TANC2: variants seen among roughly 807,000 people sequenced by gnomAD.
TANC2 encodes the protein tetratricopeptide repeat, ankyrin repeat and coiled-coil containing 2, also known as protein TANC2.
A neutral mutation model predicts 210.5 loss-of-function variants in TANC2; 26 were observed. The observed-to-expected ratio is 0.12, with a 90% CI of 0.09 to 0.17. The LOEUF (loss-of-function observed/expected upper bound fraction) is 0.17, where lower values mean the gene tolerates loss of function less well. TANC2 is among the 10% of genes least tolerant of loss of function. The probability of loss-of-function intolerance (pLI) is 1.00; values close to 1 mark genes in which losing one functional copy is unlikely to be tolerated. For missense variants in TANC2, 2,129 were observed against 2,608.9 expected (o/e 0.82, Z 4.01); for synonymous variants, 931 against 967.1 (o/e 0.96, Z 0.69).
intron 2 of TANC2, among the ~76,000 whole-genome samples, chr17:63,018,210 G>A (rs1355217778): frequency 6.6e-6 from 1 of 152,094 alleles, no homozygotes; most frequent in East Asian, 1.9e-4. Context: ...GTAAGGAATA[G>A]CCAGGCGCCG....
intron 2 of TANC2, among the ~76,000 whole-genome samples, chr17:63,062,788 A>G (rs187159087): frequency 6.2e-4 from 94 of 152,296 alleles, no homozygotes; most frequent in African/African-American, 2.1e-3. Flanking sequence ...ATCCAACAGT[A>G]TTCTTCTACT....
At chr17:63,414,744 A>G (rs1409763171) in intron 25 of TANC2, among the ~76,000 whole-genome samples, 2 of 152,222 alleles carry the variant, frequency 1.3e-5, no homozygotes, top group Non-Finnish European at 2.9e-5. Context: ...GAGAAGGAAT[A>G]GAGTGGATAA....
Position 63,371,114 on chromosome 17 carries a change from T to A in TANC2, c.2583-8604T>A, listed in dbSNP as rs1391181411. Among the ~76,000 whole-genome samples, 5 of 152,302 alleles carry A rather than the reference T, an allele frequency of 3.3e-5. No individual in the cohort carries two copies. In the East Asian group the frequency reaches 9.6e-4, roughly 29 times the overall value. Reference sequence around the variant, plus strand: ...AGATAGGCTTTAGATTATAAGAATTTTCTTGCCAGCTAGCTGTAACTATAC... The same window carrying A: ...AGATAGGCTTTAGATTATAAGAATTATCTTGCCAGCTAGCTGTAACTATAC... On this transcript the variant is annotated intron_variant, in intron 14 of 27. Coordinates refer to ENST00000689528, the Ensembl canonical transcript of TANC2.
chr17:63,044,889 A>T (rs575139016), intron 2 of TANC2, among the ~76,000 whole-genome samples: 6 of 151,982 alleles, frequency 3.9e-5, no homozygotes, highest in Non-Finnish European at 8.8e-5. Context: ...TAACCTCTTT[A>T]TATCCTTTAT....
intron 25 of TANC2, among the ~76,000 whole-genome samples, 186 bp from the exon 26 acceptor site, chr17:63,415,342 A>C (rs907497789): frequency 2.0e-5 from 3 of 152,162 alleles, no homozygotes; most frequent in Non-Finnish European, 2.9e-5. Context: ...CTGCCAGGTG[A>C]GTTTCCTATA....
intron 7 of TANC2, among the ~76,000 whole-genome samples, chr17:63,210,645 CAT>C (rs1434138544): frequency 1.3e-5 from 2 of 152,110 alleles, no homozygotes; most frequent in African/African-American, 2.4e-5. Flanking sequence ...GAGTAAATAA[CAT>C]AGAGCAACAC....
At chr17:63,331,856 C>CTGTGTGTGTGTGTG (rs765243268) in intron 11 of TANC2, 1 of 152,262 alleles carries the variant, frequency 6.6e-6, no homozygotes, top group Non-Finnish European at 1.4e-5. Flanking sequence ...GTGTGTGTGT[C>CTGTGTGTGTGTGTG]TGTGTGTGTG....
In TANC2 at chr17:63,191,987, G is replaced by A. The variant is rs187744967; in HGVS notation, c.434-2004G>A. Reference sequence around the variant, plus strand: ...TCTAAGACTTAAGATGGAGGGATTCGCAATTAGGTCCCTGTCTGTTATTTG... The same window carrying A: ...TCTAAGACTTAAGATGGAGGGATTCACAATTAGGTCCCTGTCTGTTATTTG... On this transcript the variant is annotated intron_variant, in intron 5 of 27. Coordinates refer to ENST00000689528, the Ensembl canonical transcript of TANC2. Among the ~76,000 whole-genome samples, 933 of 152,138 alleles carry A rather than the reference G, an allele frequency of 6.1e-3. 19 individuals are homozygous for A. The highest frequency in any genetic ancestry group is 0.056 in the Admixed American group (854 of 15,266).
intron 2 of TANC2, among the ~76,000 whole-genome samples, chr17:63,053,788 T>G (rs1339767249): frequency 6.6e-6 from 1 of 152,196 alleles, no homozygotes; most frequent in South Asian, 2.1e-4. Context: ...TGCAAGTCCA[T>G]TTTTTAGGCC....
intron 7 of TANC2, among the ~76,000 whole-genome samples, chr17:63,218,732 C>T (rs1165546031): frequency 6.6e-6 from 1 of 151,944 alleles, no homozygotes; most frequent in African/African-American, 2.4e-5. Context: ...CTCCTTTCTA[C>T]TAAAAATGCA....
At chr17:63,409,281 C>G (rs1176308316) in intron 21 of TANC2, among the ~76,000 whole-genome samples, 1 of 152,078 alleles carries the variant, frequency 6.6e-6, no homozygotes, top group African/African-American at 2.4e-5. Flanking sequence ...AAGCGATCCT[C>G]CCATCTCATC....
intron 17 of TANC2, chr17:63,391,573 T>C (rs188156765): frequency 3.3e-5 from 5 of 152,210 alleles, no homozygotes; most frequent in African/African-American, 9.6e-5. Flanking sequence ...GCCTAATAAA[T>C]AGTATCTGTA....
intron 4 of TANC2, among the ~76,000 whole-genome samples, chr17:63,112,282 C>T (rs1382033792): frequency 6.6e-6 from 1 of 152,086 alleles, no homozygotes; most frequent in African/African-American, 2.4e-5. Context: ...CATAAGCAGA[C>T]CCTAAAGATT....
intron 7 of TANC2, among the ~76,000 whole-genome samples, chr17:63,224,762 T>C (rs1444480757): frequency 2.0e-5 from 3 of 152,186 alleles, no homozygotes; most frequent in South Asian, 2.1e-4. Context: ...GAAAGGAGTG[T>C]CCATTAGGCC....
chr17:63,423,396 G>A (rs544431810), exon 28 of TANC2: 11 of 152,348 alleles, frequency 7.2e-5, no homozygotes, highest in African/African-American at 2.2e-4. Context: ...CTATTGAGTG[G>A]ATAGCAAGAA....
chr17:63,108,415 A>T (rs1422209387), intron 4 of TANC2, among the ~76,000 whole-genome samples: 2 of 151,870 alleles, frequency 1.3e-5, no homozygotes, highest in African/African-American at 4.9e-5. Flanking sequence ...AATATGTGTC[A>T]AGTTTTTAAA....
In TANC2 at chr17:63,364,866, A is replaced by G. The variant is rs569760568; in HGVS notation, c.2582+9476A>G. Among the ~76,000 whole-genome samples the G allele has an allele frequency of 2.0e-5, 3 of 152,332 alleles. No homozygotes were observed. In the East Asian group the frequency reaches 5.8e-4, roughly 29 times the overall value. ...ACATCTATATTGTTTGTAAAAGGTAATAACTGCTTTATGTGTTTAAAAATA... is the reference window on the plus strand; with the variant it reads ...ACATCTATATTGTTTGTAAAAGGTAGTAACTGCTTTATGTGTTTAAAAATA... On this transcript the variant is annotated intron_variant, in intron 14 of 27. Transcript: ENST00000689528.
At position 63,376,544 on chromosome 17, in the gene TANC2, C is replaced by T. The variant is rs74721610; in HGVS notation, c.2583-3174C>T. On this transcript the variant is annotated intron_variant, in intron 14 of 27. Coordinates refer to ENST00000689528, the Ensembl canonical transcript of TANC2. ...ACCTGGAACACAGGGGATGGGACAG[C>T]TCCCATCATACATAGGAATCATCAA... 1.2e-3 allele frequency among the ~76,000 whole-genome samples: 188 copies of T among 152,284 alleles called. 2 individuals are homozygous for T. Among genetic ancestry groups the T allele is most frequent in the African/African-American group, 3.8e-3 (159 of 41,556 alleles).
At chr17:63,066,974 G>T (rs1341867880) in intron 2 of TANC2, among the ~76,000 whole-genome samples, 1 of 152,106 alleles carries the variant, frequency 6.6e-6, no homozygotes. Context: ...TGTGAATTTG[G>T]TCCTAATTGT....
Sources: gnomAD v4.1 joint callset for allele counts (sites outside exome capture counted in the v4.1 genomes callset) on GRCh38, gnomAD v4.1.1 for gene constraint, MANE v1.5 for transcripts, NCBI Gene and HGNC (gene_info 2026-07-23, HGNC 2026-07-21) for gene names.